Variants in VGLL4 observed in about 807,000 individuals in gnomAD.
The protein encoded by VGLL4 is vestigial like family member 4.
Under a neutral mutation model 21.0 loss-of-function variants are expected in VGLL4, and 7 were observed. The observed-to-expected ratio is 0.33, with a 90% CI of 0.19 to 0.63. The LOEUF is 0.63. Ranked by LOEUF, VGLL4 falls within the 20% of genes least tolerant of loss-of-function variation. The pLI, the probability that VGLL4 is intolerant of heterozygous loss-of-function variation, is 0.78. For missense variants in VGLL4, 394 were observed against 425.7 expected, an observed-to-expected ratio of 0.93 and a Z score of 0.66; for synonymous variants, 222 against 173.2, an observed-to-expected ratio of 1.28 and a Z score of -2.21.
In VGLL4 at chr3:11,557,484, C is replaced by G. The variant is rs1043437185; in HGVS notation, c.*1072G>C. On this transcript the variant is annotated 3_prime_UTR_variant, in exon 5 of 5. Transcript: ENST00000430365. ...AAAATAAATGATGTCAGCCTGCAGC[C>G]AAACTCCAGCATCCCACACCGCAGC... 6.6e-6 allele frequency: 1 copy of G among 152,538 alleles called. No homozygotes were observed. The highest frequency in any genetic ancestry group is 1.5e-5 in the Non-Finnish European group (1 of 68,030). 9.4% of individuals were successfully genotyped at this position (152,538 alleles called of 1,614,324 possible).
chr3:11,688,319 T>C (rs934083849), intron 2 of VGLL4, among the ~76,000 whole-genome samples: 4 of 152,210 alleles, frequency 2.6e-5, no homozygotes, highest in Admixed American at 1.3e-4. Flanking sequence ...TGCTCTATAC[T>C]ATAAAATAGT....
chr3:11,680,441 G>A (rs2076352518), intron 2 of VGLL4, among the ~76,000 whole-genome samples: 1 of 152,106 alleles, frequency 6.6e-6, no homozygotes, highest in South Asian at 2.1e-4. Flanking sequence ...AAGATACTCT[G>A]GAAGGTCAAA....
chr3:11,576,905 C>T (rs909879800), intron 2 of VGLL4, among the ~76,000 whole-genome samples: 2 of 152,204 alleles, frequency 1.3e-5, no homozygotes, highest in Admixed American at 6.5e-5. Flanking sequence ...TGGAGGGAAA[C>T]GGGAACAGTG....
chr3:11,603,084 T>C (rs1156241638), intron 1 of VGLL4, among the ~76,000 whole-genome samples: 1 of 152,232 alleles, frequency 6.6e-6, no homozygotes, highest in Non-Finnish European at 1.5e-5. Context: ...AAAGGAATCT[T>C]TGTTTGCCAC....
intron 2 of VGLL4, among the ~76,000 whole-genome samples, chr3:11,595,979 A>T (rs1367702867): frequency 1.3e-5 from 2 of 152,034 alleles, no homozygotes; most frequent in Non-Finnish European, 2.9e-5. Flanking sequence ...AACTTAAAGT[A>T]TAATAATAAT....
chr3:11,716,433 G>C (rs1052620181), intron 1 of VGLL4, among the ~76,000 whole-genome samples: 3 of 152,108 alleles, frequency 2.0e-5, no homozygotes, highest in African/African-American at 2.4e-5. Context: ...GCTCTACTGG[G>C]AACATGTGCA....
At chr3:11,586,152 G>C (rs141031859) in intron 2 of VGLL4, among the ~76,000 whole-genome samples, 1 of 152,188 alleles carries the variant, frequency 6.6e-6, no homozygotes, top group Non-Finnish European at 1.5e-5. Flanking sequence ...AAAGTATAAA[G>C]GGCATTACTG....
intron 1 of VGLL4, chr3:11,626,601 C>G: frequency 3.4e-6 from 1 of 298,374 alleles, no homozygotes; most frequent in Admixed American, 4.1e-5. Flanking sequence ...CTATGGTTAT[C>G]CCACCTCTTC....
intron 1 of VGLL4, among the ~76,000 whole-genome samples, chr3:11,639,783 G>A (rs1022552937): frequency 1.3e-5 from 2 of 152,190 alleles, no homozygotes; most frequent in Non-Finnish European, 2.9e-5. Context: ...GGCTGAGGCA[G>A]GAAAATCACT....
At chr3:11,591,603 A>C (rs1010957757) in intron 2 of VGLL4, among the ~76,000 whole-genome samples, 1 of 152,238 alleles carries the variant, frequency 6.6e-6, no homozygotes, top group African/African-American at 2.4e-5. Flanking sequence ...TTTTCAGCTC[A>C]ACTGTGAAAA....
At chr3:11,716,770 G>C (rs751340798) in intron 1 of VGLL4, among the ~76,000 whole-genome samples, 2 of 152,024 alleles carry the variant, frequency 1.3e-5, no homozygotes, top group Non-Finnish European at 2.9e-5. Context: ...TCAAGATTTT[G>C]CAATCTAGTT....
chr3:11,639,355 C>T (rs907033318), intron 1 of VGLL4, among the ~76,000 whole-genome samples: 2 of 152,246 alleles, frequency 1.3e-5, no homozygotes, highest in Admixed American at 6.5e-5. Flanking sequence ...CAGAGCAGCA[C>T]GAAGAGCACC....
At chr3:11,621,977 T>A (rs1372108264) in intron 1 of VGLL4, among the ~76,000 whole-genome samples, 2 of 152,234 alleles carry the variant, frequency 1.3e-5, no homozygotes, top group Non-Finnish European at 1.5e-5. Flanking sequence ...CTTTGCCCAT[T>A]TTTAAATAAG....
chr3:11,564,919 G>T lies in VGLL4; in HGVS notation c.373C>A (p.His125Asn). Residue 125 changes from histidine (H) to asparagine (N), a missense_variant, in exon 3 of 5, where the codon CAC becomes AAC. Physicochemically the swap from His to Asn is moderately conservative, Grantham distance 68 (BLOSUM62 1). Transcript: ENST00000430365. ...AGGCTGGGGAGGGAGGTGTACAGGT[G>T]GCTGCCGTGCAGGCTCATGGTGGGG... ...VAPTMSLHGS[H>N]LYTSLPSLGL... 2 of 1,597,916 alleles carry T rather than the reference G, an allele frequency of 1.3e-6. No individual in the cohort carries two copies. The highest frequency in any genetic ancestry group is 1.7e-6 in the Non-Finnish European group (2 of 1,172,604).
chr3:11,575,597 T>C (rs769054542), intron 2 of VGLL4, among the ~76,000 whole-genome samples: 2 of 152,178 alleles, frequency 1.3e-5, no homozygotes, highest in Admixed American at 6.5e-5. Flanking sequence ...CAGTGTGCAC[T>C]TACCCAGCGG....
intron 2 of VGLL4, among the ~76,000 whole-genome samples, chr3:11,662,591 A>C (rs2076052640): frequency 6.6e-6 from 1 of 152,254 alleles, no homozygotes; most frequent in African/African-American, 2.4e-5. Flanking sequence ...CACTAGAGGG[A>C]CTGAGAAAGC....
intron 2 of VGLL4, among the ~76,000 whole-genome samples, chr3:11,691,535 C>G (rs1313925926): frequency 6.6e-6 from 1 of 152,184 alleles, no homozygotes; most frequent in Non-Finnish European, 1.5e-5. Flanking sequence ...CAACGTGATG[C>G]CTGGAAATGA....
chr3:11,559,086 AGCC>A lies in VGLL4; in HGVS notation c.619+243_619+245del, dbSNP rs2072718479. 2.0e-5 allele frequency among the ~76,000 whole-genome samples: 3 copies of A among 152,356 alleles called. No homozygotes were observed. The South Asian group carries it at 6.2e-4, about 32-fold the overall frequency. On this transcript the variant is annotated intron_variant, in intron 4 of 4. Transcript: ENST00000430365. ...TGTGGCATTAAATTTAAATAACAGT[AGCC>A]GCTGCCCTCCCTGCAACTAGGGCAT... is the stretch of plus-strand genomic sequence containing the variant.
intron 2 of VGLL4, among the ~76,000 whole-genome samples, chr3:11,665,900 T>G (rs949528535): frequency 3.3e-5 from 5 of 152,166 alleles, no homozygotes; most frequent in Non-Finnish European, 5.9e-5. Context: ...AAGGCTGCTC[T>G]GAGAAGGTGC....
Sources: gnomAD v4.1 joint callset for allele counts (sites outside exome capture counted in the v4.1 genomes callset) on GRCh38, gnomAD v4.1.1 for gene constraint, MANE v1.5 for transcripts, NCBI Gene and HGNC (gene_info 2026-07-23, HGNC 2026-07-21) for gene names.